Variants in COP1 observed in about 807,000 individuals in gnomAD.
COP1 encodes E3 ubiquitin-protein ligase COP1.
COP1 carries 24 observed loss-of-function variants against 101.3 expected under a neutral mutation model. That is an observed-to-expected ratio of 0.24 (90% CI 0.17 to 0.33). The LOEUF is 0.33. COP1 is among the 10% of genes least tolerant of loss of function. The pLI, the probability that COP1 is intolerant of heterozygous loss-of-function variation, is 1.00. For synonymous variants in COP1, 347 were observed against 341.9 expected, an observed-to-expected ratio of 1.01 and a Z score of -0.17; for missense variants, 663 against 906.2, an observed-to-expected ratio of 0.73 and a Z score of 3.45.
chr1:176,191,879 G>A (rs535380545), intron 1 of COP1, among the ~76,000 whole-genome samples: 1 of 152,262 alleles, frequency 6.6e-6, no homozygotes, highest in East Asian at 1.9e-4. Flanking sequence ...TGAATAAGGA[G>A]ACGAGAGGTA....
At chr1:176,113,307 A>G (rs1360739511) in intron 9 of COP1, among the ~76,000 whole-genome samples, 1 of 152,184 alleles carries the variant, frequency 6.6e-6, no homozygotes, top group African/African-American at 2.4e-5. Context: ...AGTGATAAGT[A>G]TTTTTACATA....
At chr1:176,138,289 G>A (rs1047076270) in intron 6 of COP1, among the ~76,000 whole-genome samples, 5 of 152,050 alleles carry the variant, frequency 3.3e-5, no homozygotes, top group Non-Finnish European at 7.4e-5. Flanking sequence ...AAACTGAAAT[G>A]GTAGAAAACA....
intron 8 of COP1, among the ~76,000 whole-genome samples, chr1:176,117,069 A>G (rs1288809749): frequency 6.6e-6 from 1 of 152,158 alleles, no homozygotes; most frequent in African/African-American, 2.4e-5. Context: ...TGGTTAACAC[A>G]CCCTGCTATG....
Position 176,046,175 on chromosome 1 carries a change from A to G in COP1, c.1421+6T>C. ...CTGCATCATGTCAAGAAAATAATGT[A>G]AATACCTGATTTTCGAATTGCAGGT... On this transcript the variant is annotated splice_donor_region_variant and intron_variant, in intron 12 of 19. Transcript: ENST00000367669. 1 of 1,597,160 alleles carries G rather than the reference A, an allele frequency of 6.3e-7. No homozygotes were observed. Among genetic ancestry groups the G allele is most frequent in the South Asian group, 1.1e-5 (1 of 87,928 alleles).
At chr1:176,011,635 T>C (rs1466730003) in intron 15 of COP1, among the ~76,000 whole-genome samples, 1 of 152,188 alleles carries the variant, frequency 6.6e-6, no homozygotes, top group Non-Finnish European at 1.5e-5. Context: ...AGCTTCAAAA[T>C]AGTAACTGTT....
chr1:175,981,759 G>T (rs1243414719), intron 18 of COP1, among the ~76,000 whole-genome samples: 1 of 151,814 alleles, frequency 6.6e-6, no homozygotes, highest in Non-Finnish European at 1.5e-5. Flanking sequence ...ATCAGTTAGG[G>T]GGTTATAAGG....
intron 11 of COP1, among the ~76,000 whole-genome samples, chr1:176,071,807 G>T (rs1293820682): frequency 2.6e-5 from 4 of 152,160 alleles, no homozygotes; most frequent in Non-Finnish European, 5.9e-5. Context: ...ACCTTCACAA[G>T]TCTACTAAAA....
At chr1:176,010,829 A>T (rs1485910440) in intron 15 of COP1, among the ~76,000 whole-genome samples, 1 of 152,222 alleles carries the variant, frequency 6.6e-6, no homozygotes, top group Non-Finnish European at 1.5e-5. Context: ...CTTTAAGCCA[A>T]CAAGATGAAT....
intron 11 of COP1, among the ~76,000 whole-genome samples, chr1:176,075,381 G>A (rs1370888589): frequency 1.3e-5 from 2 of 152,108 alleles, no homozygotes; most frequent in Admixed American, 1.3e-4. Flanking sequence ...TCTTAGTCCT[G>A]TAAATGAAAA....
At chr1:176,061,499 G>A (rs1296881519) in intron 11 of COP1, among the ~76,000 whole-genome samples, 3 of 152,070 alleles carry the variant, frequency 2.0e-5, no homozygotes, top group Admixed American at 6.6e-5. Flanking sequence ...GGTGGCGTGC[G>A]CCTGTAATCC....
chr1:176,117,626 C>T (rs1238340356), intron 8 of COP1, among the ~76,000 whole-genome samples: 3 of 152,086 alleles, frequency 2.0e-5, no homozygotes, highest in South Asian at 2.1e-4. Flanking sequence ...TAGGCACGGT[C>T]GCTCACGCCT....
chr1:176,112,599 A>G (rs1685487507), intron 9 of COP1, among the ~76,000 whole-genome samples: 1 of 152,244 alleles, frequency 6.6e-6, no homozygotes, highest in Non-Finnish European at 1.5e-5. Flanking sequence ...ATTCTGAAAT[A>G]TACAATAAAG....
At chr1:176,115,597 A>G (rs185659194) in intron 9 of COP1, among the ~76,000 whole-genome samples, 321 of 151,854 alleles carry the variant, frequency 2.1e-3, no homozygotes, top group Non-Finnish European at 3.5e-3. Flanking sequence ...AACTACAAAA[A>G]AATTAGCTGG....
At chr1:176,120,689 C>T (rs547603527) in intron 8 of COP1, among the ~76,000 whole-genome samples, 1 of 152,084 alleles carries the variant, frequency 6.6e-6, no homozygotes, top group East Asian at 1.9e-4. Flanking sequence ...TATTTTCCTT[C>T]AAAAGCAAAG....
chr1:176,109,324 G>A (rs1684887240), intron 9 of COP1, among the ~76,000 whole-genome samples: 1 of 152,052 alleles, frequency 6.6e-6, no homozygotes, highest in African/African-American at 2.4e-5. Flanking sequence ...TTCAGTAAGT[G>A]AAAACAAGCT....
At chr1:176,107,176 A>C (rs1454347680) in intron 9 of COP1, among the ~76,000 whole-genome samples, 1 of 152,176 alleles carries the variant, frequency 6.6e-6, no homozygotes, top group African/African-American at 2.4e-5. Context: ...ATTAATGCAT[A>C]TATATTATGG....
intron 1 of COP1, 49 bp from the exon 2 acceptor site, chr1:176,184,741 T>C: frequency 7.2e-7 from 1 of 1,385,734 alleles, no homozygotes. Context: ...GTAGAGTGAT[T>C]ACAAATTGGA....
intron 18 of COP1, among the ~76,000 whole-genome samples, chr1:175,954,136 A>AAAGAAAT (rs1650312687): frequency 6.6e-6 from 1 of 152,196 alleles, no homozygotes; most frequent in Non-Finnish European, 1.5e-5. Context: ...AGAATAACAA[A>AAAGAAAT]AAGAAATCTG....
chr1:176,076,233 C>CT (rs1434231482), intron 11 of COP1, among the ~76,000 whole-genome samples: 1 of 151,942 alleles, frequency 6.6e-6, no homozygotes, highest in Non-Finnish European at 1.5e-5. Context: ...TAAAGCAAGT[C>CT]TCAATAAATT....
Sources: allele counts gnomAD v4.1 joint callset (sites outside exome capture counted in the v4.1 genomes callset), GRCh38; gene constraint gnomAD v4.1.1; transcripts MANE v1.5; gene names NCBI Gene and HGNC (gene_info 2026-07-23, HGNC 2026-07-21).